RIC1: variants seen among roughly 807,000 people sequenced by gnomAD.
RIC1 encodes the protein guanine nucleotide exchange factor subunit RIC1.
A neutral mutation model predicts 169.0 loss-of-function variants in RIC1; 88 were observed. The observed-to-expected ratio is 0.52, with a 90% confidence interval of 0.44 to 0.62. The LOEUF (loss-of-function observed/expected upper bound fraction) is 0.62. Ranked by LOEUF, RIC1 falls within the 20% of genes least tolerant of loss-of-function variation. The probability of loss-of-function intolerance (pLI) is 0.00; values close to 1 mark genes in which losing one functional copy is unlikely to be tolerated. For synonymous variants in RIC1, 790 were observed against 601.5 expected (o/e 1.31, Z -4.59); for missense variants, 1,877 against 1,725.5 (o/e 1.09, Z -1.56).
At chr9:5,712,936 C>T (rs1823020581) in intron 3 of RIC1, 1 of 151,842 alleles carries the variant, frequency 6.6e-6, no homozygotes, top group Non-Finnish European at 1.5e-5. Flanking sequence ...TAATAAATCA[C>T]CACAAAACTT....
intron 1 of RIC1, among the ~76,000 whole-genome samples, chr9:5,640,381 A>C (rs1006033425): frequency 2.6e-5 from 4 of 152,120 alleles, no homozygotes; most frequent in African/African-American, 9.7e-5. Context: ...TTAAAACTCT[A>C]CACTTTAACT....
chr9:5,689,828 G>T, intron 2 of RIC1, 131 bp from the exon 3 acceptor site: 3 of 586,152 alleles, frequency 5.1e-6, no homozygotes, highest in East Asian at 3.3e-5. Context: ...TGCATAATTA[G>T]GCTATAATTC....
intron 1 of RIC1, among the ~76,000 whole-genome samples, chr9:5,633,803 C>T (rs775077627): frequency 6.6e-6 from 1 of 152,044 alleles, no homozygotes; most frequent in Non-Finnish European, 1.5e-5. Flanking sequence ...AAATAAATGT[C>T]ATTATTAACG....
intron 10 of RIC1, among the ~76,000 whole-genome samples, chr9:5,743,983 G>C (rs908025304): frequency 6.6e-6 from 1 of 152,044 alleles, no homozygotes; most frequent in Non-Finnish European, 1.5e-5. Flanking sequence ...TTGATTTTTA[G>C]TAGAGACGTG....
At chr9:5,702,352 T>C (rs1443936565) in intron 3 of RIC1, among the ~76,000 whole-genome samples, 1 of 152,110 alleles carries the variant, frequency 6.6e-6, no homozygotes, top group East Asian at 1.9e-4. Context: ...AGAGGTTTAA[T>C]TGGTTCACAG....
At chr9:5,715,959 C>T (rs899210577) in intron 4 of RIC1, among the ~76,000 whole-genome samples, 1 of 152,072 alleles carries the variant, frequency 6.6e-6, no homozygotes, top group African/African-American at 2.4e-5. Context: ...GTGATCTCAC[C>T]TCAGCCTATC....
At chr9:5,642,442 G>A (rs1232847477) in intron 1 of RIC1, among the ~76,000 whole-genome samples, 1 of 145,130 alleles carries the variant, frequency 6.9e-6, no homozygotes, top group Non-Finnish European at 1.5e-5. Context: ...CCATCAGCAG[G>A]TGGTGAAGCC....
intron 21 of RIC1, among the ~76,000 whole-genome samples, chr9:5,767,974 A>G (rs1320851195): frequency 2.6e-5 from 4 of 152,176 alleles, no homozygotes; most frequent in African/African-American, 9.7e-5. Context: ...AAACAACTCT[A>G]TGAGGGTTAT....
chr9:5,658,826 T>TTTTTTTTTTTACCGAGACTGAC (rs1819269459), intron 2 of RIC1, among the ~76,000 whole-genome samples: 1 of 122,536 alleles, frequency 8.2e-6, no homozygotes, highest in African/African-American at 4.2e-5. Flanking sequence ...AGTTTTTTTG[T>TTTTTTTTTTTACCGAGACTGAC]TTTTTTTTTT....
chr9:5,680,983 C>A lies in RIC1; in HGVS notation c.253-8976C>A, dbSNP rs564016517. On this transcript the variant is annotated intron_variant, in intron 2 of 25. Coordinates refer to ENST00000414202, the MANE Select transcript of RIC1 (RefSeq NM_020829.4). ...CTGGGACTACAGGCGCCCGCTACCA[C>A]GCCCGGCTAATTTTTTGTATTTTTA... 3.6e-4 allele frequency among the ~76,000 whole-genome samples: 54 copies of A among 150,508 alleles called. No individual in the cohort carries two copies. The East Asian group carries it at 8.0e-3, about 22-fold the overall frequency.
chr9:5,660,213 C>T (rs942536578), intron 2 of RIC1, among the ~76,000 whole-genome samples: 1 of 152,190 alleles, frequency 6.6e-6, no homozygotes, highest in African/African-American at 2.4e-5. Context: ...GCATAGTATT[C>T]CATCGTGTAT....
At chr9:5,685,756 A>G (rs1821180460) in intron 2 of RIC1, among the ~76,000 whole-genome samples, 1 of 149,220 alleles carries the variant, frequency 6.7e-6, no homozygotes, top group African/African-American at 2.5e-5. Flanking sequence ...CAATGGCAAC[A>G]AAAGCCAAAA....
intron 1 of RIC1, among the ~76,000 whole-genome samples, chr9:5,635,167 A>G (rs1353281899): frequency 2.6e-5 from 4 of 151,972 alleles, no homozygotes; most frequent in Non-Finnish European, 5.9e-5. Flanking sequence ...TTTTGAAGAG[A>G]TGTGGTCTTG....
chr9:5,767,408 T>C (rs1826849361), intron 21 of RIC1, among the ~76,000 whole-genome samples: 1 of 152,162 alleles, frequency 6.6e-6, no homozygotes, highest in South Asian at 2.1e-4. Context: ...TGTGTATTCC[T>C]TCCTATGTTC....
At chr9:5,716,589 G>A (rs1276716628) in intron 4 of RIC1, among the ~76,000 whole-genome samples, 2 of 152,132 alleles carry the variant, frequency 1.3e-5, no homozygotes, top group Admixed American at 1.3e-4. Context: ...CTCCAGCCAG[G>A]GCAACAGAGA....
intron 4 of RIC1, among the ~76,000 whole-genome samples, chr9:5,716,641 A>G (rs576385677): frequency 8.5e-5 from 13 of 152,152 alleles, no homozygotes; most frequent in African/African-American, 2.4e-4. Context: ...CCAATACAGC[A>G]TGAAAAGACA....
In RIC1 at chr9:5,775,046, C is replaced by G. The variant is rs1318632533; in HGVS notation, c.*800C>G. 1 of 152,190 alleles carries G rather than the reference C, an allele frequency of 6.6e-6. No homozygotes were observed. Among genetic ancestry groups the G allele is most frequent in the African/African-American group, 2.4e-5 (1 of 41,444 alleles). The allele number at this position is 152,190 out of a possible 1,614,324, so 9.4% of individuals were successfully genotyped here. A position where few individuals can be genotyped will look rare whatever the true frequency, so the allele number is the denominator to read the frequency against. ...TATTATAATTTGCAAGGTTTTAATG[C>G]TGGATTCTGCATGTCTACACATACA... On this transcript the variant is annotated 3_prime_UTR_variant, in exon 26 of 26. Transcript: ENST00000414202.
chr9:5,727,716 G>A (rs2130903768), intron 6 of RIC1, among the ~76,000 whole-genome samples: 1 of 152,278 alleles, frequency 6.6e-6, no homozygotes, highest in East Asian at 1.9e-4. Flanking sequence ...TACATATGGG[G>A]TTTTGGTGTG....
intron 1 of RIC1, among the ~76,000 whole-genome samples, chr9:5,655,376 C>G (rs1819033214): frequency 6.6e-6 from 1 of 152,118 alleles, no homozygotes; most frequent in Admixed American, 6.5e-5. Flanking sequence ...TCTCAGCTCA[C>G]TGCAACCTCC....
Sources: gnomAD v4.1 joint callset for allele counts (sites outside exome capture counted in the v4.1 genomes callset) on GRCh38, gnomAD v4.1.1 for gene constraint, MANE v1.5 for transcripts, NCBI Gene and HGNC (gene_info 2026-07-23, HGNC 2026-07-21) for gene names.